DCAF17: variants seen among roughly 807,000 people sequenced by gnomAD.
DCAF17 encodes the protein DDB1- and CUL4-associated factor 17.
In DCAF17, 48 loss-of-function variants were observed where a neutral mutation model predicts 66.0. The observed-to-expected ratio is 0.73, with a 90% CI of 0.58 to 0.92. DCAF17 has a LOEUF of 0.92. Ranked by LOEUF, DCAF17 falls within the 40% of genes least tolerant of loss-of-function variation. The probability of loss-of-function intolerance (pLI) is 0.00; values close to 1 mark genes in which losing one functional copy is unlikely to be tolerated. For synonymous variants in DCAF17, 206 were observed against 214.6 expected (o/e 0.96, Z 0.35); for missense variants, 562 against 622.8 (o/e 0.90, Z 1.04).
At chr2:171,455,878 A>AT (rs1323151252) in intron 6 of DCAF17, among the ~76,000 whole-genome samples, 1 of 151,724 alleles carries the variant, frequency 6.6e-6, no homozygotes, top group Non-Finnish European at 1.5e-5. Context: ...TTTCTTGTAA[A>AT]TTTGTTGAAG....
At chr2:171,453,669 T>C (rs1028838976) in intron 6 of DCAF17, among the ~76,000 whole-genome samples, 5 of 152,178 alleles carry the variant, frequency 3.3e-5, no homozygotes, top group Non-Finnish European at 7.4e-5. Flanking sequence ...GGTTTTATTG[T>C]TGTTCCCATT....
chr2:171,468,767 T>A, intron 8 of DCAF17, 121 bp from the exon 9 acceptor site: 1 of 1,326,426 alleles, frequency 7.5e-7, no homozygotes, highest in Non-Finnish European at 1.1e-6. Flanking sequence ...TTGAACATAG[T>A]AATTTTTCAT....
intron 8 of DCAF17, among the ~76,000 whole-genome samples, chr2:171,459,251 G>A (rs1197972567): frequency 2.0e-5 from 3 of 152,182 alleles, no homozygotes; most frequent in East Asian, 1.9e-4. Flanking sequence ...GGCAGAGGTT[G>A]TGGTGAGCCA....
intron 9 of DCAF17, among the ~76,000 whole-genome samples, chr2:171,472,655 T>C (rs1047893231): frequency 6.6e-6 from 1 of 152,214 alleles, no homozygotes; most frequent in African/African-American, 2.4e-5. Flanking sequence ...TCACAATAAC[T>C]GCGTTATTAT....
chr2:171,451,368 G>C (rs1046280500), intron 5 of DCAF17, among the ~76,000 whole-genome samples: 1 of 152,002 alleles, frequency 6.6e-6, no homozygotes, highest in African/African-American at 2.4e-5. Context: ...TATTTAGTAT[G>C]ACATCTAAGA....
At chr2:171,454,575 C>T (rs1206696652) in intron 6 of DCAF17, among the ~76,000 whole-genome samples, 11 of 152,090 alleles carry the variant, frequency 7.2e-5, no homozygotes, top group Admixed American at 5.2e-4. Flanking sequence ...TAAGCCACCG[C>T]GCCTGGCCAG....
intron 4 of DCAF17, 146 bp downstream of exon 4, chr2:171,448,963 A>C: frequency 2.8e-6 from 2 of 707,812 alleles, no homozygotes; most frequent in Non-Finnish European, 2.4e-6. Flanking sequence ...TTCTCCCCTC[A>C]TGACTACATT....
At chr2:171,458,531 AATAG>A in intron 8 of DCAF17, 54 bp downstream of exon 8, 8 of 1,297,842 alleles carry the variant, frequency 6.2e-6, no homozygotes, top group Non-Finnish European at 8.9e-6. Flanking sequence ...TGGTCATATA[AATAG>A]TTATTAATTA....
chr2:171,470,066 T>C (rs6730160), intron 9 of DCAF17, among the ~76,000 whole-genome samples: 2,367 of 151,510 alleles, frequency 0.016, 63 homozygotes, highest in African/African-American at 0.05. Context: ...CTCTGGTGCC[T>C]AGCCTAGAGT....
At chr2:171,443,421 C>A in intron 2 of DCAF17, 102 bp from the exon 3 acceptor site, 1 of 849,876 alleles carries the variant, frequency 1.2e-6, no homozygotes, top group Non-Finnish European at 1.9e-6. Context: ...ATAAATTGTG[C>A]CTTGGTATTT....
chr2:171,468,519 C>G lies in DCAF17; in HGVS notation c.839-369C>G, dbSNP rs908567482. Among the ~76,000 whole-genome samples the G allele has an allele frequency of 3.9e-5, 6 of 152,298 alleles. 1 individual carries two copies. In the Middle Eastern group the frequency reaches 0.017, roughly 432 times the overall value. ...TTATTATGAGAGTTGGAAATAGTAT[C>G]TAACCCAGAGTCTTTACATAGTAGA... On this transcript the variant is annotated intron_variant, in intron 8 of 13. Coordinates refer to ENST00000375255, the MANE Select transcript of DCAF17 (RefSeq NM_025000.4).
intron 5 of DCAF17, among the ~76,000 whole-genome samples, chr2:171,451,759 AGAG>A (rs1308476668): frequency 6.6e-6 from 1 of 151,946 alleles, no homozygotes; most frequent in African/African-American, 2.4e-5. Flanking sequence ...TATTTTTACT[AGAG>A]ACGGGGTTTC....
intron 8 of DCAF17, among the ~76,000 whole-genome samples, chr2:171,459,106 T>G (rs1278853473): frequency 6.6e-6 from 1 of 152,030 alleles, no homozygotes; most frequent in Non-Finnish European, 1.5e-5. Flanking sequence ...GGTTGGGAGT[T>G]TGAGACCAGC....
intron 2 of DCAF17, among the ~76,000 whole-genome samples, chr2:171,436,927 A>G (rs939954902): frequency 1.1e-4 from 17 of 152,136 alleles, no homozygotes; most frequent in African/African-American, 4.1e-4. Flanking sequence ...GGCATGCGCC[A>G]CCACGCCTGG....
At chr2:171,466,823 G>C (rs907531120) in intron 8 of DCAF17, among the ~76,000 whole-genome samples, 7 of 146,586 alleles carry the variant, frequency 4.8e-5, no homozygotes, top group Non-Finnish European at 1.5e-5. Context: ...AACATACCTA[G>C]TTGATTTCAA....
chr2:171,453,054 CA>C, intron 5 of DCAF17, 69 bp from the exon 6 acceptor site: 1 of 1,078,760 alleles, frequency 9.3e-7, no homozygotes, highest in Non-Finnish European at 1.4e-6. Flanking sequence ...TGGATTTTTT[CA>C]ACTAATGAAA....
rs767659250 is a variant in DCAF17, at chr2:171,435,285, A to G, written c.230+99A>G. 5.5e-6 allele frequency: 5 copies of G among 915,502 alleles called. No homozygotes were observed. The African/African-American group carries it at 6.6e-5, about 12-fold the overall frequency. The allele number at this position is 915,502 out of a possible 1,614,324, so 56.7% of individuals were successfully genotyped here. ...TGCCTACATTAGTGCCTAGTGAAAT[A>G]GAATGAAAAAAATGGGTCCGAAATA... On this transcript the variant is annotated intron_variant, in intron 2 of 13. Transcript: ENST00000375255.
intron 9 of DCAF17, among the ~76,000 whole-genome samples, chr2:171,469,859 A>C (rs1696141051): frequency 6.6e-6 from 1 of 152,126 alleles, no homozygotes; most frequent in Admixed American, 6.6e-5. Context: ...ACGCTGGAGT[A>C]CAGTGGCACA....
chr2:171,441,086 G>A (rs75584578), intron 2 of DCAF17, among the ~76,000 whole-genome samples: 4,765 of 152,182 alleles, frequency 0.031, 82 homozygotes, highest in East Asian at 0.051. Flanking sequence ...CTGTATCTCC[G>A]CTGAGTCTAC....
Sources: allele counts gnomAD v4.1 joint callset (sites outside exome capture counted in the v4.1 genomes callset), GRCh38; gene constraint gnomAD v4.1.1; transcripts MANE v1.5; gene names NCBI Gene and HGNC (gene_info 2026-07-23, HGNC 2026-07-21).